Variants in GMPS observed in about 807,000 individuals in gnomAD.
The protein encoded by GMPS is guanosine monophosphate synthase.
A neutral mutation model predicts 77.9 loss-of-function variants in GMPS; 15 were observed. The ratio of observed to expected loss-of-function variants is 0.19; its 90% CI spans 0.13 to 0.30. The LOEUF is 0.30. Ranked by LOEUF, GMPS falls within the 10% of genes least tolerant of loss-of-function variation. The pLI is 1.00. For synonymous variants in GMPS, 224 were observed against 275.9 expected (o/e 0.81, Z 1.86); for missense variants, 590 against 838.8 (o/e 0.70, Z 3.66).
chr3:155,911,009 C>G, intron 6 of GMPS, 105 bp from the exon 7 acceptor site: 1 of 1,106,654 alleles, frequency 9.0e-7, no homozygotes, highest in Non-Finnish European at 1.3e-6. Flanking sequence ...AGTTACCATA[C>G]ATATCTTTGG....
At chr3:155,897,597 C>T (rs1000500655) in intron 2 of GMPS, among the ~76,000 whole-genome samples, 1 of 152,186 alleles carries the variant, frequency 6.6e-6, no homozygotes. Flanking sequence ...TTCTTACGTA[C>T]TTCTTCCATT....
At chr3:155,910,931 A>G (rs1577520246) in intron 6 of GMPS, 46 bp downstream of exon 6, 3 of 1,347,534 alleles carry the variant, frequency 2.2e-6, no homozygotes. Flanking sequence ...TATCAATAAT[A>G]TTGGAATCCA....
chr3:155,933,964 T>C (rs1280786406), intron 13 of GMPS, among the ~76,000 whole-genome samples: 1 of 152,240 alleles, frequency 6.6e-6, no homozygotes, highest in African/African-American at 2.4e-5. Flanking sequence ...AACAGACATT[T>C]ATATAAAACA....
intron 10 of GMPS, among the ~76,000 whole-genome samples, chr3:155,919,873 C>T (rs541916593): frequency 1.2e-4 from 18 of 152,214 alleles, no homozygotes; most frequent in African/African-American, 3.6e-4. Context: ...AGAGGTGATA[C>T]TTGTTTAAAG....
intron 3 of GMPS, 98 bp from the exon 4 acceptor site, chr3:155,903,765 G>T (rs1346773732): frequency 5.4e-6 from 3 of 553,926 alleles, no homozygotes; most frequent in South Asian, 3.0e-5. Context: ...GGTATATCAG[G>T]TATTCTGAAA....
intron 3 of GMPS, 44 bp from the exon 4 acceptor site, chr3:155,903,819 T>C: frequency 1.2e-6 from 1 of 803,712 alleles, no homozygotes; most frequent in South Asian, 1.8e-5. Flanking sequence ...AAATGGGTAT[T>C]TTTCTTTTGA....
intron 12 of GMPS, among the ~76,000 whole-genome samples, chr3:155,930,883 A>G (rs1160278647): frequency 6.6e-6 from 1 of 152,080 alleles, no homozygotes. Context: ...GTACAGTGGC[A>G]TGATCACTGC....
At chr3:155,874,304 T>A (rs562911406) in intron 1 of GMPS, among the ~76,000 whole-genome samples, 4 of 152,324 alleles carry the variant, frequency 2.6e-5, no homozygotes, top group African/African-American at 9.6e-5. Context: ...AGGTTATGAC[T>A]AGGTTATATC....
Position 155,893,617 on chromosome 3 carries a change from C to T in GMPS, c.127C>T (p.Arg43Ter). Reference sequence around the variant, plus strand: ...TGCTCAGTACGGGAAAGTCATAGACCGAAGAGTGAGGGAACTGTTCGTGCA... The same window carrying T: ...TGCTCAGTACGGGAAAGTCATAGACTGAAGAGTGAGGGAACTGTTCGTGCA... ...AGAQYGKVID[R>*]RVRELFVQSE... is the part of the protein sequence containing the mutation. The change falls in exon 2 of 16, where the codon CGA becomes TGA. Residue 43 changes from arginine to a stop codon, truncating the protein, a stop_gained. Coordinates refer to ENST00000496455, the MANE Select transcript of GMPS (RefSeq NM_003875.3). LOFTEE classifies it high-confidence loss of function. 2 of 1,611,658 alleles carry T rather than the reference C, an allele frequency of 1.2e-6. No homozygotes were observed. Among genetic ancestry groups the T allele is most frequent in the Non-Finnish European group, 8.5e-7 (1 of 1,177,880 alleles).
intron 9 of GMPS, among the ~76,000 whole-genome samples, chr3:155,917,500 T>G (rs1259858477): frequency 2.0e-5 from 3 of 152,228 alleles, no homozygotes; most frequent in African/African-American, 7.2e-5. Context: ...CAGTATTGCC[T>G]TTTTGTGACT....
chr3:155,888,645 G>C (rs904459785), intron 1 of GMPS, among the ~76,000 whole-genome samples: 2 of 151,170 alleles, frequency 1.3e-5, no homozygotes, highest in African/African-American at 4.9e-5. Context: ...GGGTGCAATG[G>C]TGTGATCTCA....
intron 1 of GMPS, among the ~76,000 whole-genome samples, chr3:155,880,065 A>G (rs1754176275): frequency 6.6e-6 from 1 of 152,100 alleles, no homozygotes; most frequent in Non-Finnish European, 1.5e-5. Context: ...TGAAGCACCA[A>G]AACCTTTAAT....
intron 10 of GMPS, among the ~76,000 whole-genome samples, chr3:155,919,812 A>G (rs1401514785): frequency 1.3e-5 from 2 of 152,198 alleles, no homozygotes; most frequent in African/African-American, 4.8e-5. Context: ...GCACAATGTA[A>G]CTAATTCCTG....
chr3:155,902,510 A>G (rs1754757850), intron 3 of GMPS, among the ~76,000 whole-genome samples: 1 of 152,194 alleles, frequency 6.6e-6, no homozygotes, highest in African/African-American at 2.4e-5. Flanking sequence ...ATAAGGTTTT[A>G]TTGCAACAGT....
At chr3:155,885,219 C>T (rs1754309085) in intron 1 of GMPS, among the ~76,000 whole-genome samples, 1 of 152,124 alleles carries the variant, frequency 6.6e-6, no homozygotes, top group South Asian at 2.1e-4. Context: ...TCAGTAGAGA[C>T]TTGTATTTCC....
At chr3:155,884,489 A>G (rs1754284047) in intron 1 of GMPS, among the ~76,000 whole-genome samples, 1 of 152,200 alleles carries the variant, frequency 6.6e-6, no homozygotes, top group African/African-American at 2.4e-5. Flanking sequence ...AACTGGTCAC[A>G]TACGTATATT....
chr3:155,881,164 G>GTTTT (rs11334499), intron 1 of GMPS, among the ~76,000 whole-genome samples: 34 of 52,916 alleles, frequency 6.4e-4, no homozygotes, highest in Non-Finnish European at 7.5e-4. Context: ...TTTGATATTA[G>GTTTT]TTTTTTTTTT....
At chr3:155,936,311 A>G in intron 14 of GMPS, 27 bp from the exon 15 acceptor site, 2 of 1,514,504 alleles carry the variant, frequency 1.3e-6, no homozygotes, top group Non-Finnish European at 1.8e-6. Context: ...TGGTGTGGTG[A>G]TTGGTTCTAC....
rs555511285 is a variant in GMPS, at chr3:155,910,097, T to G, written c.527-595T>G. 2.4e-3 allele frequency among the ~76,000 whole-genome samples: 360 copies of G among 150,912 alleles called. 2 individuals carry two copies. Among genetic ancestry groups the G allele is most frequent in the African/African-American group, 8.6e-3 (351 of 40,962 alleles). On this transcript the variant is annotated intron_variant, in intron 5 of 15. Transcript: ENST00000496455. ...GTCTCTACTAAAAATATAAAAGAAA[T>G]AAGCCGAGCGTGGTGGCACACACCT...
Sources: gnomAD v4.1 joint callset for allele counts (sites outside exome capture counted in the v4.1 genomes callset) on GRCh38, gnomAD v4.1.1 for gene constraint, MANE v1.5 for transcripts, NCBI Gene and HGNC (gene_info 2026-07-23, HGNC 2026-07-21) for gene names.